HNF1A: variants seen among roughly 807,000 people sequenced by gnomAD.
HNF1A encodes the protein hepatocyte nuclear factor 1-alpha.
Under a neutral mutation model 62.2 loss-of-function variants are expected in HNF1A, and 21 were observed. The ratio of observed to expected loss-of-function variants is 0.34; its 90% CI spans 0.24 to 0.49. HNF1A has a LOEUF of 0.49. Among genes scored for constraint, HNF1A ranks in the 20% least tolerant of loss-of-function variants. HNF1A has a pLI of 0.99. For synonymous variants in HNF1A, 374 were observed against 366.8 expected, an observed-to-expected ratio of 1.02 and a Z score of -0.22; for missense variants, 687 against 832.3, an observed-to-expected ratio of 0.83 and a Z score of 2.15.
chr12:120,999,606 C>T lies in HNF1A; in HGVS notation c.1747C>T (p.Arg583Trp), dbSNP rs137853239. Residue 583 changes from arginine (R) to tryptophan (W), a missense_variant, in exon 9 of 10, where the codon CGG (arginine) becomes TGG (tryptophan). This residue lies in a region of HNF1A where 408 missense variants were observed against 455.3 expected (regional missense o/e 0.90). Transcript: ENST00000257555. ...ASIQHLQPAH[R>W]LSASPTVSSS... The stretch of plus-strand genomic sequence containing the variant: ...CATCCAGCACCTGCAGCCGGCCCAC[C>T]GGCTCAGCGCCAGCCCCACAGGTGA... 10 of 1,611,158 alleles carry T rather than the reference C, an allele frequency of 6.2e-6. No homozygotes were observed. Among genetic ancestry groups the T allele is most frequent in the Admixed American group, 1.7e-5 (1 of 59,962 alleles).
chr12:120,998,107 C>T (rs1877211215), intron 7 of HNF1A: 1 of 352,694 alleles, frequency 2.8e-6, no homozygotes, highest in Non-Finnish European at 5.4e-6. Context: ...CGGTGAAACC[C>T]CGTCTCTACT....
intron 1 of HNF1A, among the ~76,000 whole-genome samples, 172 bp from the exon 2 acceptor site, chr12:120,988,661 T>C (rs892086210): frequency 1.3e-5 from 2 of 152,238 alleles, no homozygotes; most frequent in Non-Finnish European, 2.9e-5. Flanking sequence ...CTGGCATAAA[T>C]GACCATACCT....
At chr12:120,997,970 C>T (rs1877205021) in intron 7 of HNF1A, 1 of 614,694 alleles carries the variant, frequency 1.6e-6, no homozygotes, top group Non-Finnish European at 2.9e-6. Context: ...TTTCTAAAAT[C>T]TATTCAGATT....
rs1487102687 is a variant in HNF1A, at chr12:121,001,288, C to A, written c.*96C>A. 5 of 1,468,328 alleles carry A rather than the reference C, an allele frequency of 3.4e-6. No homozygotes were observed. In the Admixed American group the frequency reaches 9.3e-5, roughly 27 times the overall value. The allele number at this position is 1,468,328 out of a possible 1,614,324, so 91.0% of individuals were successfully genotyped here. A position where few individuals can be genotyped will look rare whatever the true frequency, so the allele number is the denominator to read the frequency against. The stretch of plus-strand genomic sequence containing the variant: ...TGGAGGACCTGAGCCTGCCGAGCAA[C>A]CGTGGCCCTTCCTGGACAGCTGTGC... On this transcript the variant is annotated 3_prime_UTR_variant, in exon 10 of 10. Transcript: ENST00000257555.
chr12:120,985,008 C>T (rs1006146952), intron 1 of HNF1A, among the ~76,000 whole-genome samples: 4 of 149,292 alleles, frequency 2.7e-5, no homozygotes, highest in East Asian at 2.0e-4. Flanking sequence ...TGCAGTGGCG[C>T]GATCACAGCT....
chr12:120,991,391 T>C (rs1169299), intron 2 of HNF1A, among the ~76,000 whole-genome samples: 65,913 of 151,994 alleles, frequency 0.43, 15,188 homozygotes, highest in East Asian at 0.73. Flanking sequence ...GGCAGGAGTC[T>C]GAGACCAGCC....
chr12:120,994,781 C>G (rs962573265), intron 4 of HNF1A, among the ~76,000 whole-genome samples: 4 of 151,324 alleles, frequency 2.6e-5, no homozygotes, highest in African/African-American at 9.7e-5. Context: ...TCTACTCCAT[C>G]TACTACCTTC....
chr12:120,988,670 C>T (rs1404101469), intron 1 of HNF1A, among the ~76,000 whole-genome samples, 163 bp from the exon 2 acceptor site: 2 of 152,200 alleles, frequency 1.3e-5, no homozygotes, highest in Non-Finnish European at 2.9e-5. Context: ...ATGACCATAC[C>T]TCACCGTCCC....
rs1357046870 is a variant in HNF1A at position 120,996,465 on chromosome 12, G to A, written c.1107+52G>A. On this transcript the variant is annotated intron_variant, in intron 5 of 9. Coordinates refer to ENST00000257555, the MANE Select transcript of HNF1A (RefSeq NM_000545.8). The surrounding 1 kb of genome is among the most constrained non-coding windows in gnomAD (Gnocchi z 4.5). ...CCCAACCTCATCTTTCCTTGGCAGG[G>A]AGATTCTGGAGCAGTCCCTAGGGAG... The A allele has an allele frequency of 1.2e-6, 2 of 1,613,768 alleles. No individual in the cohort carries two copies.
At position 120,989,025 on chromosome 12, in the gene HNF1A, G is replaced by A. The variant is rs534301078; in HGVS notation, c.519G>A (p.Val173=). The A allele has an allele frequency of 1.7e-4, 271 of 1,614,154 alleles. 2 individuals are homozygous for A. The South Asian group carries it at 2.8e-3, about 17-fold the overall frequency. Residue 173 remains valine, a synonymous_variant, in exon 2 of 10, where the codon GTG becomes GTA. Coordinates refer to ENST00000257555, the MANE Select transcript of HNF1A (RefSeq NM_000545.8). The part of the protein sequence containing the change: ...YTWYVRKQRE[V]AQQFTHAGQG... ...GGTACGTCCGCAAGCAGCGAGAGGT[G>A]GCGCAGCGTAAGTAATGACCCTACC... is the stretch of plus-strand genomic sequence containing the variant.
At chr12:120,999,918 G>T (rs1877341763) in intron 9 of HNF1A, among the ~76,000 whole-genome samples, 1 of 152,222 alleles carries the variant, frequency 6.6e-6, no homozygotes, top group African/African-American at 2.4e-5. Context: ...TAAGGACCAG[G>T]TCTGTGAGCC....
chr12:120,997,383 C>G (rs916907719), intron 6 of HNF1A, 91 bp from the exon 7 acceptor site: 49 of 1,420,620 alleles, frequency 3.4e-5, no homozygotes, highest in Non-Finnish European at 4.5e-5. Context: ...ACCACGGGCT[C>G]TGGGAAGGAG....
At chr12:120,985,722 C>T (rs1486404892) in intron 1 of HNF1A, among the ~76,000 whole-genome samples, 4 of 151,676 alleles carry the variant, frequency 2.6e-5, no homozygotes, top group African/African-American at 7.3e-5. Flanking sequence ...CGGTGGCTCA[C>T]ACCTGTAATC....
At chr12:120,980,845 G>C (rs1434883530) in intron 1 of HNF1A, 1 of 152,250 alleles carries the variant, frequency 6.6e-6, no homozygotes, top group Non-Finnish European at 1.5e-5. Flanking sequence ...CAGAACGGAG[G>C]AGCCAGGGGG....
intron 6 of HNF1A, chr12:120,997,125 G>A: frequency 7.1e-7 from 1 of 1,400,824 alleles, no homozygotes; most frequent in Non-Finnish European, 9.3e-7. Flanking sequence ...CAGTACATAA[G>A]ATAGATAAGG....
At chr12:120,990,404 T>C (rs559772053) in intron 2 of HNF1A, among the ~76,000 whole-genome samples, 21 of 152,098 alleles carry the variant, frequency 1.4e-4, no homozygotes, top group East Asian at 3.9e-4. Flanking sequence ...GCTGGGATTA[T>C]AGGCGTGAGC....
chr12:120,988,575 G>A lies in HNF1A; in HGVS notation c.327-258G>A, dbSNP rs566950707. ...TCTGTTCCAGTGTCTGTATCCATAG[G>A]CCTGTGTCCACGTTTGTCATGTGTG... On this transcript the variant is annotated intron_variant, in intron 1 of 9. Transcript: ENST00000257555. Among the ~76,000 whole-genome samples, 11 of 152,292 alleles carry A rather than the reference G, an allele frequency of 7.2e-5. No homozygotes were observed. The South Asian group carries it at 2.1e-3, about 29-fold the overall frequency.
At position 121,001,181 on chromosome 12, in the gene HNF1A, T is replaced by C; in HGVS notation, c.1885T>C (p.Ser629Pro). ...CTTCATCTCCACCCAGATGGCCTCT[T>C]CCTCCCAGTAACCACGGCACCTGGG... ...ETFISTQMAS[S>P]SQ is the part of the protein sequence containing the mutation. Residue 629 changes from serine to proline, a missense_variant, in exon 10 of 10, where the codon TCC becomes CCC. Ser to Pro is a moderately conservative substitution (Grantham distance 74). Coordinates refer to ENST00000257555, the MANE Select transcript of HNF1A (RefSeq NM_000545.8). The C allele has an allele frequency of 6.2e-7, 1 of 1,614,000 alleles. No individual in the cohort carries two copies.
At chr12:120,998,584 T>A (rs1360756744) in intron 7 of HNF1A, among the ~76,000 whole-genome samples, 1 of 151,898 alleles carries the variant, frequency 6.6e-6, no homozygotes, top group East Asian at 1.9e-4. Context: ...TGGTTGAGAG[T>A]GTATGCGTGT....
Sources: gnomAD v4.1 joint callset for allele counts (sites outside exome capture counted in the v4.1 genomes callset) on GRCh38, gnomAD v4.1.1 for gene constraint, gnomAD v4.1.1 regional missense constraint, Gnocchi (gnomAD v3.1) non-coding constraint, MANE v1.5 for transcripts, NCBI Gene and HGNC (gene_info 2026-07-23, HGNC 2026-07-21) for gene names.